The following SPTBN1 variants were observed in gnomAD, a reference collection of about 807,000 sequenced individuals.
SPTBN1 encodes the protein spectrin beta, non-erythrocytic 1.
SPTBN1 carries 32 observed loss-of-function variants against 266.4 expected under a neutral mutation model. The observed-to-expected ratio is 0.12, with a 90% CI of 0.09 to 0.16. SPTBN1 has a LOEUF of 0.16. Ranked by LOEUF, SPTBN1 falls within the 10% of genes least tolerant of loss-of-function variation. The pLI is 1.00. For missense variants in SPTBN1, 2,296 were observed against 3,067.1 expected, an observed-to-expected ratio of 0.75 and a Z score of 5.94; for synonymous variants, 1,336 against 1,162.2, an observed-to-expected ratio of 1.15 and a Z score of -3.04.
chr2:54,652,801 T>G (rs1383510385), intron 26 of SPTBN1: 3 of 152,260 alleles, frequency 2.0e-5, no homozygotes, highest in Non-Finnish European at 4.4e-5. Flanking sequence ...TTTTCATGTT[T>G]AAGACCCATT....
rs1393176091 is a variant in SPTBN1 at position 54,552,887 on chromosome 2, G to A, written c.148+26321G>A. On this transcript the variant is annotated intron_variant, in intron 2 of 35. Transcript: ENST00000356805. ...TGGTTTTCTAAGAGTAGTGTGAGTC[G>A]TGAGGGGAGGGGAAGTGCTCCTGAC... 4.6e-5 allele frequency among the ~76,000 whole-genome samples: 7 copies of A among 152,344 alleles called. No individual in the cohort carries two copies. In the East Asian group the frequency reaches 1.3e-3, roughly 29 times the overall value.
chr2:54,629,657 G>T lies in SPTBN1; in HGVS notation c.2523G>T (p.Arg841=). The part of the protein sequence containing the change: ...YKEVAELTRL[R]KQALQDTLAL... ...AGGTGGCAGAGCTGACGCGGCTGCG[G>T]AAGCAGGCACTCCAGGACACTCTGG... Residue 841 remains arginine (R), a synonymous_variant, in exon 14 of 36, where the codon CGG becomes CGT. Transcript: ENST00000356805. 6.2e-7 allele frequency: 1 copy of T among 1,613,884 alleles called. No individual in the cohort carries two copies. Among genetic ancestry groups the T allele is most frequent in the African/African-American group, 1.3e-5 (1 of 75,064 alleles).
intron 1 of SPTBN1, among the ~76,000 whole-genome samples, chr2:54,497,356 T>TA (rs1205421732): frequency 6.6e-6 from 1 of 152,150 alleles, no homozygotes; most frequent in Non-Finnish European, 1.5e-5. Context: ...AACCATGAAT[T>TA]AGTTTTTTGG....
intron 2 of SPTBN1, among the ~76,000 whole-genome samples, chr2:54,535,666 A>G (rs920185048): frequency 3.9e-5 from 6 of 152,370 alleles, no homozygotes; most frequent in East Asian, 3.9e-4. Context: ...TACTAGTACC[A>G]TAGTGCTGTG....
chr2:54,644,365 G>T lies in SPTBN1; in HGVS notation c.4048G>T (p.Val1350Leu). 1 of 1,613,750 alleles carries T rather than the reference G, an allele frequency of 6.2e-7. No individual in the cohort carries two copies. The highest frequency in any genetic ancestry group is 8.5e-7 in the Non-Finnish European group (1 of 1,179,614). The change falls in exon 20 of 36, where the codon GTG (valine) becomes TTG (leucine). Residue 1350 changes from valine (V) to leucine (L), a missense_variant. Around this residue, in one of 12 missense-constraint regions of SPTBN1, gnomAD observed 386 missense variants for 486.1 expected, o/e 0.79. Coordinates refer to ENST00000356805, the MANE Select transcript of SPTBN1 (RefSeq NM_003128.3). ...TTCAGAAAAGCCTGAGACGGAAGCT[G>T]TGGTGAAGGAGAAACTCACTGGTTT... is the stretch of plus-strand genomic sequence containing the variant. ...LISEKPETEA[V>L]VKEKLTGLHK...
intron 28 of SPTBN1, 29 bp from the exon 29 acceptor site, chr2:54,655,885 A>G (rs772113537): frequency 6.4e-7 from 1 of 1,574,482 alleles, no homozygotes; most frequent in Non-Finnish European, 8.7e-7. Context: ...TTCCATTAAG[A>G]TGTCCCGGGG....
At chr2:54,622,186 G>A (rs1199319016) in intron 8 of SPTBN1, 114 bp from the exon 9 acceptor site, 1 of 1,141,062 alleles carries the variant, frequency 8.8e-7, no homozygotes, top group Non-Finnish European at 1.3e-6. Flanking sequence ...TTCAGAGCTG[G>A]CCAAACTGTT....
chr2:54,467,218 G>A (rs1693681744), intron 1 of SPTBN1, among the ~76,000 whole-genome samples: 2 of 151,894 alleles, frequency 1.3e-5, no homozygotes, highest in African/African-American at 2.4e-5. Flanking sequence ...TAAAGTCTTG[G>A]GCTGGGATAG....
At chr2:54,615,835 A>G (rs1280174449) in intron 4 of SPTBN1, among the ~76,000 whole-genome samples, 1 of 152,182 alleles carries the variant, frequency 6.6e-6, no homozygotes, top group Non-Finnish European at 1.5e-5. Flanking sequence ...GTGGTGTGAA[A>G]AATGTTTACT....
At chr2:54,479,352 T>C (rs994616406) in intron 1 of SPTBN1, among the ~76,000 whole-genome samples, 2 of 152,236 alleles carry the variant, frequency 1.3e-5, no homozygotes, top group African/African-American at 4.8e-5. Context: ...AATCCCATTG[T>C]TCCAGTCCTC....
intron 15 of SPTBN1, 69 bp from the exon 16 acceptor site, chr2:54,630,786 T>A: frequency 6.7e-7 from 1 of 1,492,842 alleles, no homozygotes; most frequent in African/African-American, 1.4e-5. Flanking sequence ...CCCATCACTG[T>A]TCCTTTTGCA....
intron 1 of SPTBN1, among the ~76,000 whole-genome samples, chr2:54,460,696 A>G (rs1693320949): frequency 6.6e-6 from 1 of 152,152 alleles, no homozygotes; most frequent in Non-Finnish European, 1.5e-5. Context: ...TTCCTAAAAT[A>G]TATGTTAAAG....
At chr2:54,566,266 G>A (rs1673653775) in intron 2 of SPTBN1, among the ~76,000 whole-genome samples, 1 of 144,580 alleles carries the variant, frequency 6.9e-6, no homozygotes, top group African/African-American at 2.6e-5. Context: ...TCAGCTCACC[G>A]CAACGTCCGC....
rs946022284 is a variant in SPTBN1 at position 54,626,362 on chromosome 2, A to G, written c.1644+128A>G. 56 of 1,176,102 alleles carry G rather than the reference A, an allele frequency of 4.8e-5. No individual in the cohort carries two copies. The highest frequency in any genetic ancestry group is 6.0e-5 in the Non-Finnish European group (51 of 849,748). 72.9% of individuals were successfully genotyped at this position (1,176,102 alleles called of 1,614,324 possible). A position where few individuals can be genotyped will look rare whatever the true frequency, so the allele number is the denominator to read the frequency against. ...TAACTGCCCACATGTACAGCTAGAGAGGAGCCACATCACCCATGGGAAGAT... is the reference window on the plus strand; with the variant it reads ...TAACTGCCCACATGTACAGCTAGAGGGGAGCCACATCACCCATGGGAAGAT... On this transcript the variant is annotated intron_variant, in intron 12 of 35. Coordinates refer to ENST00000356805, the MANE Select transcript of SPTBN1 (RefSeq NM_003128.3). This position sits in a 1 kb window ranked among gnomAD's most constrained non-coding sequence, Gnocchi z 4.7.
intron 17 of SPTBN1, among the ~76,000 whole-genome samples, chr2:54,636,183 T>C (rs543428150): frequency 2.0e-5 from 3 of 152,322 alleles, no homozygotes; most frequent in African/African-American, 7.2e-5. Context: ...ATAGTATAAT[T>C]ATTTTTCTAC....
chr2:54,505,879 CT>C (rs1669525764), intron 1 of SPTBN1, among the ~76,000 whole-genome samples: 1 of 152,098 alleles, frequency 6.6e-6, no homozygotes, highest in South Asian at 2.1e-4. Context: ...AATCCCAGCA[CT>C]TTGGGAGGCT....
At chr2:54,552,464 T>C (rs1672629006) in intron 2 of SPTBN1, among the ~76,000 whole-genome samples, 1 of 94,508 alleles carries the variant, frequency 1.1e-5, no homozygotes, top group African/African-American at 5.5e-5. Context: ...TCTGCTTTTT[T>C]CTTTTTTTTT....
chr2:54,533,348 TA>T lies in SPTBN1; in HGVS notation c.148+6783del, dbSNP rs1414861392. 8.4e-5 allele frequency among the ~76,000 whole-genome samples: 10 copies of T among 119,610 alleles called. No individual in the cohort carries two copies. The highest frequency in any genetic ancestry group is 6.9e-5 in the Non-Finnish European group (4 of 57,882). The allele number at this position is 119,610 out of a possible 152,430, so 78.5% of individuals were successfully genotyped here. ...AAGTGAAACCCAGGCTAAAGGGGAC[TA>T]GTGTGTGTGTGTGTGTGTGTGTGTG... On this transcript the variant is annotated intron_variant, in intron 2 of 35. Coordinates refer to ENST00000356805, the MANE Select transcript of SPTBN1 (RefSeq NM_003128.3). This position sits in a 1 kb window ranked among gnomAD's most constrained non-coding sequence, Gnocchi z 4.2.
chr2:54,542,775 T>C (rs548549233), intron 2 of SPTBN1, among the ~76,000 whole-genome samples: 25 of 152,212 alleles, frequency 1.6e-4, no homozygotes, highest in Admixed American at 1.6e-3. Flanking sequence ...TAGGACATGC[T>C]CTCCAAGGGG....
Sources: gnomAD v4.1 joint callset for allele counts (sites outside exome capture counted in the v4.1 genomes callset) on GRCh38, gnomAD v4.1.1 for gene constraint, gnomAD v4.1.1 regional missense constraint, Gnocchi (gnomAD v3.1) non-coding constraint, MANE v1.5 for transcripts, NCBI Gene and HGNC (gene_info 2026-07-23, HGNC 2026-07-21) for gene names.